Variants in DIP2C observed in about 807,000 individuals in gnomAD.
The protein encoded by DIP2C is DIP2 acetate--CoA ligase C (putative).
In DIP2C, 33 loss-of-function variants were observed where a neutral mutation model predicts 192.4. That is an observed-to-expected ratio of 0.17 (90% CI 0.13 to 0.23). The LOEUF (loss-of-function observed/expected upper bound fraction) is 0.23, where lower values mean the gene tolerates loss of function less well. Ranked by LOEUF, DIP2C falls within the 10% of genes least tolerant of loss-of-function variation. DIP2C has a pLI of 1.00. For missense variants in DIP2C, 1,537 were observed against 2,110.1 expected (o/e 0.73, Z 5.32); for synonymous variants, 979 against 864.1 (o/e 1.13, Z -2.33).
rs72772862 is a variant in DIP2C, at chr10:385,906, C to T, written c.1663-1267G>A. On this transcript the variant is annotated intron_variant, in intron 14 of 36. Transcript: ENST00000280886. ...ACTCCCCAGAGCTCTGCCGACTCCC[C>T]GCCACTCTGCTGGGGGAGGTAAGGG... Among the ~76,000 whole-genome samples the T allele has an allele frequency of 5.5e-4, 84 of 152,256 alleles. 1 individual carries two copies. In the East Asian group the frequency reaches 0.015, roughly 27 times the overall value.
At chr10:669,714 G>C (rs897329157) in intron 1 of DIP2C, 1 of 152,174 alleles carries the variant, frequency 6.6e-6, no homozygotes, top group Non-Finnish European at 1.5e-5. Flanking sequence ...GGGTAAGACC[G>C]AGTGGTTTTC....
At chr10:356,956 T>A (rs961008944) in intron 23 of DIP2C, among the ~76,000 whole-genome samples, 44 of 152,192 alleles carry the variant, frequency 2.9e-4, no homozygotes, top group African/African-American at 9.9e-4. Flanking sequence ...CGGGATCTAA[T>A]AAATTTAGGT....
chr10:384,152 A>G lies in DIP2C; in HGVS notation c.1757-6T>C, dbSNP rs770969376. 45 of 1,610,130 alleles carry G rather than the reference A, an allele frequency of 2.8e-5. 1 individual carries two copies. In the South Asian group the frequency reaches 5.0e-4, roughly 18 times the overall value. On this transcript the variant is annotated splice_region_variant and splice_polypyrimidine_tract_variant and intron_variant, in intron 15 of 36. Transcript: ENST00000280886. Reference sequence around the variant, plus strand: ...TTTCACACACGCCACTTTTGCTAAAAAGAAAAATAGAAATAAGTTAACATG... The same window carrying G: ...TTTCACACACGCCACTTTTGCTAAAGAGAAAAATAGAAATAAGTTAACATG...
At chr10:282,733 G>C (rs1422230545) in intron 35 of DIP2C, among the ~76,000 whole-genome samples, 1 of 152,246 alleles carries the variant, frequency 6.6e-6, no homozygotes, top group South Asian at 2.1e-4. Flanking sequence ...CTCCACACCA[G>C]GCACCAGCAT....
chr10:275,273 G>C lies in DIP2C; in HGVS notation c.*2052C>G, dbSNP rs983948360. On this transcript the variant is annotated 3_prime_UTR_variant, in exon 37 of 37. Transcript: ENST00000280886. ...ACCTCCCTTTCAACAAGGTGGGTGG[G>C]TGTAGGAAAATGTCTTTTTTCCCCC... 2.0e-5 allele frequency: 3 copies of C among 152,216 alleles called. No homozygotes were observed. Among genetic ancestry groups the C allele is most frequent in the Non-Finnish European group, 4.4e-5 (3 of 68,068 alleles). 9.4% of individuals were successfully genotyped at this position (152,216 alleles called of 1,614,324 possible).
Position 348,669 on chromosome 10 carries a change from G to A in DIP2C, c.3203C>T (p.Thr1068Met). The change falls in exon 26 of 37, where the codon ACG becomes ATG. Residue 1068 changes from threonine (T) to methionine (M), a missense_variant. This residue lies in a region of DIP2C where 677 missense variants were observed against 989.9 expected (regional missense o/e 0.68). Transcript: ENST00000280886. ...RPPHPQNIAT[T>M]LPTVKMIVEV... ...CACAATCATCTTGACGGTAGGCAAC[G>A]TCGTCGCGATGTTCTGTGGGTGCGG... The A allele has an allele frequency of 1.2e-6, 2 of 1,613,666 alleles. No homozygotes were observed. The highest frequency in any genetic ancestry group is 1.7e-6 in the Non-Finnish European group (2 of 1,179,914).
intron 1 of DIP2C, among the ~76,000 whole-genome samples, chr10:561,737 A>G (rs962192137): frequency 6.6e-6 from 1 of 152,124 alleles, no homozygotes; most frequent in African/African-American, 2.4e-5. Flanking sequence ...CTTGTCTGCC[A>G]GGAAGGGAAG....
At chr10:470,921 G>A (rs1970577313) in intron 3 of DIP2C, among the ~76,000 whole-genome samples, 1 of 152,232 alleles carries the variant, frequency 6.6e-6, no homozygotes, top group South Asian at 2.1e-4. Flanking sequence ...GGTGTGTTGT[G>A]TGTTCACAGA....
At chr10:667,565 A>T (rs1394089595) in intron 1 of DIP2C, 1 of 152,356 alleles carries the variant, frequency 6.6e-6, no homozygotes, top group Non-Finnish European at 1.5e-5. Flanking sequence ...CACACAACAC[A>T]TGCAACCTAT....
chr10:323,846 C>T (rs981296223), intron 31 of DIP2C, among the ~76,000 whole-genome samples: 8 of 152,184 alleles, frequency 5.3e-5, no homozygotes, highest in African/African-American at 1.2e-4. Context: ...GTCCTGTGTG[C>T]TGGGCTCTAT....
At position 290,529 on chromosome 10, in the gene DIP2C, T is replaced by C. The variant is rs375252288; in HGVS notation, c.3987-2108A>G. On this transcript the variant is annotated intron_variant, in intron 32 of 36. Coordinates refer to ENST00000280886, the MANE Select transcript of DIP2C (RefSeq NM_014974.3). ...GCAGGACATGGCCATGCCAGGACAATGATGCTGACTCCTTCCTCCGTGCCA... is the reference window on the plus strand; with the variant it reads ...GCAGGACATGGCCATGCCAGGACAACGATGCTGACTCCTTCCTCCGTGCCA... Among the ~76,000 whole-genome samples, 8 of 152,212 alleles carry C rather than the reference T, an allele frequency of 5.3e-5. No individual in the cohort carries two copies. The East Asian group carries it at 1.2e-3, about 22-fold the overall frequency.
rs75826299 is a variant in DIP2C at position 383,713 on chromosome 10, C to T, written c.1876+314G>A. Among the ~76,000 whole-genome samples, 928 of 152,142 alleles carry T rather than the reference C, an allele frequency of 6.1e-3. 4 individuals carry two copies. Among genetic ancestry groups the T allele is most frequent in the Middle Eastern group, 0.014 (4 of 292 alleles). Reference sequence around the variant, plus strand: ...TATGACTTAAGCACCGTTTTACAGCCGGGGAAACAGGGTCAGCAAAGGAAC... The same window carrying T: ...TATGACTTAAGCACCGTTTTACAGCTGGGGAAACAGGGTCAGCAAAGGAAC... On this transcript the variant is annotated intron_variant, in intron 16 of 36. Transcript: ENST00000280886.
chr10:377,315 G>A (rs1283709244), intron 17 of DIP2C, among the ~76,000 whole-genome samples: 1 of 152,206 alleles, frequency 6.6e-6, no homozygotes, highest in African/African-American at 2.4e-5. Flanking sequence ...CCGTGGGGAG[G>A]CCCCTCCTCT....
At chr10:343,122 T>C (rs1034053657) in intron 28 of DIP2C, among the ~76,000 whole-genome samples, 1 of 152,138 alleles carries the variant, frequency 6.6e-6, no homozygotes, top group Non-Finnish European at 1.5e-5. Context: ...ACCCCATCTC[T>C]ACTAAACATA....
intron 3 of DIP2C, among the ~76,000 whole-genome samples, chr10:447,863 T>C (rs1968410639): frequency 8.5e-6 from 1 of 117,562 alleles, no homozygotes; most frequent in Non-Finnish European, 1.6e-5. Context: ...CAGGACCCAC[T>C]CATTCCCATT....
Position 276,397 on chromosome 10 carries a change from G to A in DIP2C, c.*928C>T, listed in dbSNP as rs1353819262. On this transcript the variant is annotated 3_prime_UTR_variant, in exon 37 of 37. Coordinates refer to ENST00000280886, the MANE Select transcript of DIP2C (RefSeq NM_014974.3). Reference sequence around the variant, plus strand: ...TGAGTACGGGGGGCACACCATGCAAGTGACAAGTTCTGCATCTTAAACTTT... The same window carrying A: ...TGAGTACGGGGGGCACACCATGCAAATGACAAGTTCTGCATCTTAAACTTT... The A allele has an allele frequency of 1.3e-5, 2 of 152,630 alleles. No individual in the cohort carries two copies. The highest frequency in any genetic ancestry group is 2.4e-5 in the African/African-American group (1 of 41,448). 9.5% of individuals were successfully genotyped at this position (152,630 alleles called of 1,614,324 possible).
At chr10:409,115 T>C (rs1332199620) in intron 8 of DIP2C, 98 bp from the exon 9 acceptor site, 7 of 1,247,466 alleles carry the variant, frequency 5.6e-6, no homozygotes, top group Non-Finnish European at 7.9e-6. Flanking sequence ...TTCTGCTTCC[T>C]GCGTATCATG....
chr10:674,826 A>AGAGAGAGAGAGAGAGAGAGAGACC (rs1201758510), intron 1 of DIP2C, among the ~76,000 whole-genome samples: 2 of 144,658 alleles, frequency 1.4e-5, no homozygotes, highest in African/African-American at 2.7e-5. Context: ...AGAGAGAGAG[A>AGAGAGAGAGAGAGAGAGAGAGACC]GAGACCAACA....
intron 8 of DIP2C, among the ~76,000 whole-genome samples, chr10:409,551 C>G (rs1965044675): frequency 6.6e-6 from 1 of 152,204 alleles, no homozygotes; most frequent in Non-Finnish European, 1.5e-5. Flanking sequence ...GCATGAAGTG[C>G]CTGCAGCAAG....
Sources: gnomAD v4.1 joint callset for allele counts (sites outside exome capture counted in the v4.1 genomes callset) on GRCh38, gnomAD v4.1.1 for gene constraint, gnomAD v4.1.1 regional missense constraint, MANE v1.5 for transcripts, NCBI Gene and HGNC (gene_info 2026-07-23, HGNC 2026-07-21) for gene names.